The following C18orf63 variants were observed in gnomAD, a reference collection of about 807,000 sequenced individuals.
C18orf63 encodes uncharacterized protein C18orf63.
In C18orf63, 50 loss-of-function variants were observed where a neutral mutation model predicts 75.3. The observed-to-expected ratio is 0.66, with a 90% CI of 0.53 to 0.84. C18orf63 has a LOEUF of 0.84. Ranked by LOEUF, C18orf63 falls within the 40% of genes least tolerant of loss-of-function variation. The probability of loss-of-function intolerance (pLI) is 0.00; values close to 1 mark genes in which losing one functional copy is unlikely to be tolerated. For synonymous variants in C18orf63, 232 were observed against 267.6 expected (o/e 0.87, Z 1.30); for missense variants, 732 against 800.2 (o/e 0.91, Z 1.03).
intron 7 of C18orf63, among the ~76,000 whole-genome samples, chr18:74,335,988 G>A (rs574015283): frequency 6.6e-6 from 1 of 152,218 alleles, no homozygotes; most frequent in South Asian, 2.1e-4. Flanking sequence ...ATAAATTGGA[G>A]ATAATGATAT....
Position 74,353,853 on chromosome 18 carries a change from G to A in C18orf63, c.1586G>A (p.Arg529His), listed in dbSNP as rs191895314. ...SENMTKFPSSRGKSTVSLNKN... is the reference protein window; with the variant it reads ...SENMTKFPSSHGKSTVSLNKN... ...AATATGACAAAATTTCCCTCTTCTCGTGGAAAATCGACTGTGAGTTTAAAC... is the reference window on the plus strand; with the variant it reads ...AATATGACAAAATTTCCCTCTTCTCATGGAAAATCGACTGTGAGTTTAAAC... Residue 529 changes from arginine to histidine, a missense_variant, in exon 12 of 14, where the codon CGT becomes CAT. Coordinates refer to ENST00000579455, the MANE Select transcript of C18orf63 (RefSeq NM_001174123.2). 1.3e-4 allele frequency: 204 copies of A among 1,535,868 alleles called. 2 individuals carry two copies. The African/African-American group carries it at 2.3e-3, about 17-fold the overall frequency.
chr18:74,326,104 G>A (rs767979528), intron 4 of C18orf63, among the ~76,000 whole-genome samples: 3 of 152,144 alleles, frequency 2.0e-5, no homozygotes, highest in Non-Finnish European at 2.9e-5. Flanking sequence ...TTTGGGTCTG[G>A]GCCCCTGGGG....
intron 11 of C18orf63, among the ~76,000 whole-genome samples, chr18:74,347,608 A>G (rs1568239756): frequency 6.6e-6 from 1 of 152,220 alleles, no homozygotes; most frequent in African/African-American, 2.4e-5. Flanking sequence ...ACTAAATGAG[A>G]TAACACATAG....
chr18:74,341,115 T>C (rs1322642561), intron 8 of C18orf63, among the ~76,000 whole-genome samples: 1 of 150,332 alleles, frequency 6.7e-6, no homozygotes, highest in Non-Finnish European at 1.5e-5. Context: ...ATACAAAAAA[T>C]TAGCCGGGCG....
intron 7 of C18orf63, among the ~76,000 whole-genome samples, chr18:74,333,455 C>T (rs2145121720): frequency 6.6e-6 from 1 of 152,284 alleles, no homozygotes; most frequent in Middle Eastern, 3.4e-3. Flanking sequence ...ACTCACAGTT[C>T]CTCATGACTG....
intron 7 of C18orf63, 46 bp from the exon 8 acceptor site, chr18:74,338,669 T>G: frequency 1.3e-6 from 1 of 799,486 alleles, no homozygotes; most frequent in Non-Finnish European, 1.8e-6. Context: ...TGTTTCCTTT[T>G]TTGCCAAATG....
At chr18:74,326,599 T>G (rs887232036) in intron 4 of C18orf63, among the ~76,000 whole-genome samples, 7 of 152,206 alleles carry the variant, frequency 4.6e-5, no homozygotes, top group Non-Finnish European at 8.8e-5. Flanking sequence ...GTTCCTAGGT[T>G]CCCCTGCTCT....
chr18:74,344,233 A>G (rs1465088034), intron 11 of C18orf63, among the ~76,000 whole-genome samples: 2 of 152,126 alleles, frequency 1.3e-5, no homozygotes, highest in Non-Finnish European at 2.9e-5. Flanking sequence ...AAATGGCCAT[A>G]TGGGCATTGG....
intron 2 of C18orf63, among the ~76,000 whole-genome samples, chr18:74,319,789 G>A (rs1984088748): frequency 6.6e-6 from 1 of 152,122 alleles, no homozygotes; most frequent in Non-Finnish European, 1.5e-5. Context: ...GGAGTTAAAG[G>A]AGACAGATTC....
rs1192893881 is a variant in C18orf63 at position 74,322,691 on chromosome 18, G to A, written c.214-7G>A. 2.5e-6 allele frequency: 3 copies of A among 1,191,966 alleles called. No homozygotes were observed. The highest frequency in any genetic ancestry group is 2.4e-5 in the Admixed American group (1 of 42,140). The allele number at this position is 1,191,966 out of a possible 1,614,324, so 73.8% of individuals were successfully genotyped here. A position where few individuals can be genotyped will look rare whatever the true frequency, so the allele number is the denominator to read the frequency against. ...GTCCTTTTTATAAATGTGGATTTTT[G>A]TTACAGATACCATTTTATAAAGCAA... On this transcript the variant is annotated splice_region_variant and splice_polypyrimidine_tract_variant and intron_variant, in intron 3 of 13. Coordinates refer to ENST00000579455, the MANE Select transcript of C18orf63 (RefSeq NM_001174123.2).
chr18:74,329,072 T>C (rs1984257967), intron 6 of C18orf63, 36 bp downstream of exon 6: 3 of 1,281,328 alleles, frequency 2.3e-6, no homozygotes, highest in East Asian at 2.5e-5. Flanking sequence ...GATAAAACAA[T>C]ATAATTCATA....
intron 7 of C18orf63, among the ~76,000 whole-genome samples, chr18:74,331,578 A>ATTT (rs1984308234): frequency 6.6e-6 from 1 of 152,152 alleles, no homozygotes; most frequent in South Asian, 2.1e-4. Flanking sequence ...ATCACAGTGG[A>ATTT]GGAAGGATGG....
chr18:74,346,914 CAGAAG>C (rs1391612781), intron 11 of C18orf63, among the ~76,000 whole-genome samples: 2 of 152,148 alleles, frequency 1.3e-5, no homozygotes, highest in African/African-American at 2.4e-5. Context: ...CTCAATTTTG[CAGAAG>C]AGGAGACCGA....
rs1984805933 is a variant in C18orf63 at position 74,358,348 on chromosome 18, G to T, written c.*1901G>T. 6.6e-6 allele frequency: 1 copy of T among 151,952 alleles called. No homozygotes were observed. Among genetic ancestry groups the T allele is most frequent in the Non-Finnish European group, 1.5e-5 (1 of 67,994 alleles). 9.4% of individuals were successfully genotyped at this position (151,952 alleles called of 1,614,324 possible). ...TCTTACAATATTTATCCTAATGAAA[G>T]TTATAAAAATATATGCATATATTTA... On this transcript the variant is annotated 3_prime_UTR_variant, in exon 14 of 14. Coordinates refer to ENST00000579455, the MANE Select transcript of C18orf63 (RefSeq NM_001174123.2).
Position 74,338,801 on chromosome 18 carries a change from C to G in C18orf63, c.588C>G (p.Ser196Arg). The G allele has an allele frequency of 7.1e-7, 1 of 1,406,898 alleles. No homozygotes were observed. The highest frequency in any genetic ancestry group is 2.7e-5 in the East Asian group (1 of 37,428). The allele number at this position is 1,406,898 out of a possible 1,614,324, so 87.2% of individuals were successfully genotyped here. Reference sequence around the variant, plus strand: ...TCATTGAGAGACATTCCATTTTAAGCAACTGGTGCTACGTTTTGCCAAGGT... The same window carrying G: ...TCATTGAGAGACATTCCATTTTAAGGAACTGGTGCTACGTTTTGCCAAGGT... ...HAVIERHSIL[S>R]NWCYVLPSMK... Residue 196 changes from serine (S) to arginine (R), a missense_variant, in exon 8 of 14, where the codon AGC becomes AGG. Ser to Arg is a moderately radical substitution (Grantham distance 110). This residue lies in a region of C18orf63 where 233 missense variants were observed against 272.7 expected (regional missense o/e 0.85). Coordinates refer to ENST00000579455, the MANE Select transcript of C18orf63 (RefSeq NM_001174123.2).
chr18:74,358,076 C>T lies in C18orf63; in HGVS notation c.*1629C>T, dbSNP rs2031287168. ...CTGCTACTGCCCAGTCACTATGCCT[C>T]AGGTAATGGACACTTACTTTATTAT... On this transcript the variant is annotated 3_prime_UTR_variant, in exon 14 of 14. Transcript: ENST00000579455. 6.6e-6 allele frequency: 1 copy of T among 152,158 alleles called. No individual in the cohort carries two copies. Among genetic ancestry groups the T allele is most frequent in the Admixed American group, 6.5e-5 (1 of 15,284 alleles). 9.4% of individuals were successfully genotyped at this position (152,158 alleles called of 1,614,324 possible). A position where few individuals can be genotyped will look rare whatever the true frequency, so the allele number is the denominator to read the frequency against.
Position 74,353,619 on chromosome 18 carries a change from C to A in C18orf63, c.1352C>A (p.Ser451Ter). ...NRLLQMNKNT[S>*]VLGSPKRKQH... ...TTGTTACAAATGAACAAAAATACCT[C>A]AGTACTTGGCAGCCCAAAAAGAAAA... The change falls in exon 12 of 14, where the codon TCA becomes TAA. Residue 451 changes from serine to a stop codon, truncating the protein, a stop_gained. Transcript: ENST00000579455. LOFTEE classifies it high-confidence loss of function. 6.5e-7 allele frequency: 1 copy of A among 1,536,154 alleles called. No homozygotes were observed. The highest frequency in any genetic ancestry group is 1.2e-5 in the South Asian group (1 of 84,058).
chr18:74,322,286 T>C (rs1327615794), intron 3 of C18orf63, among the ~76,000 whole-genome samples: 1 of 152,238 alleles, frequency 6.6e-6, no homozygotes, highest in Non-Finnish European at 1.5e-5. Flanking sequence ...GTCAGTCTGT[T>C]AGGTTACAAA....
intron 4 of C18orf63, among the ~76,000 whole-genome samples, chr18:74,324,343 C>T (rs1404809823): frequency 1.3e-5 from 2 of 152,122 alleles, no homozygotes; most frequent in African/African-American, 4.8e-5. Flanking sequence ...ATTAATCTGT[C>T]TTAAATGTAT....
Sources: gnomAD v4.1 joint callset for allele counts (sites outside exome capture counted in the v4.1 genomes callset) on GRCh38, gnomAD v4.1.1 for gene constraint, gnomAD v4.1.1 regional missense constraint, MANE v1.5 for transcripts, NCBI Gene and HGNC (gene_info 2026-07-23, HGNC 2026-07-21) for gene names.